The following S100A10 variants were observed in gnomAD, a reference collection of about 807,000 sequenced individuals.
S100A10 encodes the protein S100 calcium binding protein A10.
In S100A10, 3 loss-of-function variants were observed where a neutral mutation model predicts 7.1. The observed-to-expected ratio is 0.42, with a 90% CI of 0.19 to 1.10. S100A10 has a LOEUF of 1.10. Among genes scored for constraint, S100A10 ranks in the 50% least tolerant of loss-of-function variants. The pLI, the probability that S100A10 is intolerant of heterozygous loss-of-function variation, is 0.29. For missense variants in S100A10, 101 were observed against 118.1 expected, an observed-to-expected ratio of 0.86 and a Z score of 0.67; for synonymous variants, 41 against 39.3, an observed-to-expected ratio of 1.04 and a Z score of -0.16.
chr1:151,993,809 A>AG lies in S100A10; in HGVS notation c.-80dup, dbSNP rs1655966325. 6.5e-6 allele frequency: 1 copy of AG among 154,562 alleles called. No individual in the cohort carries two copies. The highest frequency in any genetic ancestry group is 2.4e-5 in the African/African-American group (1 of 41,446). The allele number at this position is 154,562 out of a possible 1,614,324, so 9.6% of individuals were successfully genotyped here. ...TGGGCGAGCTGGACGCGGGGCGGAG[A>AG]GGCGAGCGCGGCGGGCTGTGCGCCT... On this transcript the variant is annotated 5_prime_UTR_variant, in exon 1 of 3. Transcript: ENST00000368811. The surrounding 1 kb of genome is among the most constrained non-coding windows in gnomAD (Gnocchi z 5.1).
intron 1 of S100A10, among the ~76,000 whole-genome samples, chr1:151,990,708 A>T (rs1192424878): frequency 1.3e-5 from 2 of 152,180 alleles, no homozygotes; most frequent in Non-Finnish European, 2.9e-5. Flanking sequence ...CACACACACA[A>T]AGCTCTCCAT....
intron 1 of S100A10, among the ~76,000 whole-genome samples, chr1:151,991,377 A>T (rs1230220261): frequency 6.6e-6 from 1 of 152,214 alleles, no homozygotes; most frequent in Admixed American, 6.5e-5. Context: ...CAATAGGAAG[A>T]AAGAACTTGG....
chr1:151,987,257 C>T (rs759875312), intron 1 of S100A10, among the ~76,000 whole-genome samples: 5 of 152,050 alleles, frequency 3.3e-5, no homozygotes, highest in East Asian at 1.9e-4. Context: ...CCGCCCACCT[C>T]GGCCTCCCAA....
In S100A10 at chr1:151,983,119, T is replaced by C. The variant is rs960137575; in HGVS notation, c.*44A>G. The stretch of plus-strand genomic sequence containing the variant: ...TGGGGCAGATTCCTTAAGCGACCCT[T>C]TGGGACAACTCTTATCAGGGAGGAG... On this transcript the variant is annotated 3_prime_UTR_variant, in exon 3 of 3. Transcript: ENST00000368811. 7.2e-7 allele frequency: 1 copy of C among 1,397,784 alleles called. No individual in the cohort carries two copies. The highest frequency in any genetic ancestry group is 1.5e-5 in the African/African-American group (1 of 68,886). 86.6% of individuals were successfully genotyped at this position (1,397,784 alleles called of 1,614,324 possible).
At chr1:151,984,619 A>G (rs1178369560) in intron 2 of S100A10, among the ~76,000 whole-genome samples, 1 of 152,322 alleles carries the variant, frequency 6.6e-6, no homozygotes, top group East Asian at 1.9e-4. Context: ...AGCCTTTAGG[A>G]AGAAAGGGTC....
At chr1:151,984,914 G>A (rs570333906) in intron 2 of S100A10, among the ~76,000 whole-genome samples, 161 of 152,238 alleles carry the variant, frequency 1.1e-3, no homozygotes, top group Non-Finnish European at 1.4e-3. Flanking sequence ...TCCTGGTCTG[G>A]GGCTATATCA....
At chr1:151,989,729 G>C (rs1655867372) in intron 1 of S100A10, among the ~76,000 whole-genome samples, 1 of 152,208 alleles carries the variant, frequency 6.6e-6, no homozygotes, top group East Asian at 1.9e-4. Flanking sequence ...GCCTGGGCAG[G>C]GCTGTCTGCA....
At chr1:151,990,857 A>G (rs1272845768) in intron 1 of S100A10, among the ~76,000 whole-genome samples, 2 of 152,232 alleles carry the variant, frequency 1.3e-5, no homozygotes, top group Non-Finnish European at 2.9e-5. Context: ...CCAGTGCCCC[A>G]GCCCTCATAG....
intron 1 of S100A10, among the ~76,000 whole-genome samples, 191 bp from the exon 2 acceptor site, chr1:151,986,442 T>A (rs1372629133): frequency 2.0e-5 from 3 of 152,242 alleles, no homozygotes; most frequent in Non-Finnish European, 4.4e-5. Flanking sequence ...CTCCCATAGT[T>A]AGCACTTCTG....
Position 151,983,132 on chromosome 1 carries a change from T to C in S100A10, c.*31A>G. The C allele has an allele frequency of 6.7e-7, 1 of 1,487,078 alleles. No homozygotes were observed. The allele number at this position is 1,487,078 out of a possible 1,614,324, so 92.1% of individuals were successfully genotyped here. The stretch of plus-strand genomic sequence containing the variant: ...TTAAGCGACCCTTTGGGACAACTCT[T>C]ATCAGGGAGGAGCGAACTGCTCATT... On this transcript the variant is annotated 3_prime_UTR_variant, in exon 3 of 3. Transcript: ENST00000368811.
Position 151,986,172 on chromosome 1 carries a change from G to C in S100A10, c.59C>G (p.Ala20Gly), listed in dbSNP as rs752282329. Residue 20 changes from alanine (A) to glycine (G), a missense_variant, in exon 2 of 3, where the codon GCT becomes GGT. Coordinates refer to ENST00000368811, the MANE Select transcript of S100A10 (RefSeq NM_002966.3). ...ETMMFTFHKF[A>G]GDKGYLTKED... is the part of the protein sequence containing the mutation. ...CTTTGTTAAGTAGCCTTTATCCCCAGCGAATTTGTGAAATGTAAACATCAT... is the reference window on the plus strand; with the variant it reads ...CTTTGTTAAGTAGCCTTTATCCCCACCGAATTTGTGAAATGTAAACATCAT... The C allele has an allele frequency of 6.2e-7, 1 of 1,610,304 alleles. No individual in the cohort carries two copies. The highest frequency in any genetic ancestry group is 1.3e-5 in the African/African-American group (1 of 74,680).
intron 1 of S100A10, among the ~76,000 whole-genome samples, chr1:151,987,695 G>A (rs560809805): frequency 5.3e-5 from 8 of 151,878 alleles, no homozygotes; most frequent in African/African-American, 1.7e-4. Flanking sequence ...GCCCGCCACC[G>A]CGCCCGACTA....
intron 2 of S100A10, among the ~76,000 whole-genome samples, chr1:151,983,612 G>T (rs1280529509): frequency 6.6e-6 from 1 of 151,780 alleles, no homozygotes; most frequent in Non-Finnish European, 1.5e-5. Context: ...CTAATGGCAT[G>T]GTCAAATCCC....
chr1:151,983,673 T>C (rs1173223641), intron 2 of S100A10, among the ~76,000 whole-genome samples: 1 of 152,198 alleles, frequency 6.6e-6, no homozygotes, highest in Non-Finnish European at 1.5e-5. Flanking sequence ...GGGAATAAGT[T>C]TTGGATCACT....
rs386368314 is a variant in S100A10, at chr1:151,987,027, C to CTTTTT, written c.-21-781_-21-777dup. On this transcript the variant is annotated intron_variant, in intron 1 of 2. Coordinates refer to ENST00000368811, the MANE Select transcript of S100A10 (RefSeq NM_002966.3). ...TTAGAAAAGCAACATCAGTGTTCCT[C>CTTTTT]TTTTTTTTTTTTTTTTTTTTTTTTT... is the stretch of plus-strand genomic sequence containing the variant. 3.7e-4 allele frequency among the ~76,000 whole-genome samples: 31 copies of CTTTTT among 83,546 alleles called. 3 individuals are homozygous for CTTTTT. The highest frequency in any genetic ancestry group is 4.6e-4 in the Non-Finnish European group (22 of 47,612). The allele number at this position is 83,546 out of a possible 152,430, so 54.8% of individuals were successfully genotyped here. A position where few individuals can be genotyped will look rare whatever the true frequency, so the allele number is the denominator to read the frequency against.
Position 151,983,256 on chromosome 1 carries a change from C to A in S100A10, c.201G>T (p.Val67=). 6.2e-7 allele frequency: 1 copy of A among 1,608,780 alleles called. No homozygotes were observed. The change falls in exon 3 of 3, where the codon GTG becomes GTT. Residue 67 remains valine (V), a synonymous_variant. Transcript: ENST00000368811. The part of the protein sequence containing the change: ...KDLDQCRDGK[V]GFQSFFSLIA... Reference sequence around the variant, plus strand: ...TTAGGGAAAAGAAGCTCTGGAAGCCCACTTTGCCATCTCTACACTGGTCCA... The same window carrying A: ...TTAGGGAAAAGAAGCTCTGGAAGCCAACTTTGCCATCTCTACACTGGTCCA...
At position 151,986,216 on chromosome 1, in the gene S100A10, C is replaced by A; in HGVS notation, c.15G>T (p.Met5Ile). ...ACATCATGGTTTCCATGGCGTGTTC[C>A]ATTTGAGATGGCATTTTGGTGTGGT... The part of the protein sequence containing the change: MPSQ[M>I]EHAMETMMFT... Residue 5 changes from methionine (M) to isoleucine (I), a missense_variant, in exon 2 of 3, where the codon ATG (methionine) becomes ATT (isoleucine). Transcript: ENST00000368811. 1.2e-6 allele frequency: 2 copies of A among 1,602,490 alleles called. No individual in the cohort carries two copies. Among genetic ancestry groups the A allele is most frequent in the Admixed American group, 1.7e-5 (1 of 57,580 alleles).
chr1:151,986,265 T>TA lies in S100A10; in HGVS notation c.-21-15dup, dbSNP rs1470560965. The TA allele has an allele frequency of 2.0e-5, 31 of 1,562,516 alleles. No homozygotes were observed. The highest frequency in any genetic ancestry group is 2.7e-5 in the Non-Finnish European group (31 of 1,158,686). ...GTCCGTTGAAGCCTATTAAAGGATGTAAAGTAACAGGGTCTACATTAACTT... is the reference window on the plus strand; with the variant it reads ...GTCCGTTGAAGCCTATTAAAGGATGTAAAAGTAACAGGGTCTACATTAACTT... On this transcript the variant is annotated splice_polypyrimidine_tract_variant and intron_variant, in intron 1 of 2. Coordinates refer to ENST00000368811, the MANE Select transcript of S100A10 (RefSeq NM_002966.3).
chr1:151,989,523 G>A (rs1245642443), intron 1 of S100A10, among the ~76,000 whole-genome samples: 2 of 152,212 alleles, frequency 1.3e-5, no homozygotes, highest in African/African-American at 4.8e-5. Flanking sequence ...ACTGACCAGG[G>A]CCACAGCAAG....
Sources: allele counts gnomAD v4.1 joint callset (sites outside exome capture counted in the v4.1 genomes callset), GRCh38; gene constraint gnomAD v4.1.1; non-coding constraint Gnocchi (gnomAD v3.1); transcripts MANE v1.5; gene names NCBI Gene and HGNC (gene_info 2026-07-23, HGNC 2026-07-21).